CFAP54: variants seen among roughly 807,000 people sequenced by gnomAD.
CFAP54 encodes the protein cilia- and flagella-associated protein 54.
Under a neutral mutation model 370.4 loss-of-function variants are expected in CFAP54, and 290 were observed. That is an observed-to-expected ratio of 0.78 (90% confidence interval 0.71 to 0.86). CFAP54 has a LOEUF of 0.86. CFAP54 is among the 40% of genes least tolerant of loss of function. The pLI is 0.00. For missense variants in CFAP54, 3,399 were observed against 3,528.7 expected, an observed-to-expected ratio of 0.96 and a Z score of 0.93; for synonymous variants, 1,206 against 1,236.5, an observed-to-expected ratio of 0.98 and a Z score of 0.52.
At chr12:96,652,289 A>G (rs1370058546) in intron 36 of CFAP54, among the ~76,000 whole-genome samples, 1 of 152,236 alleles carries the variant, frequency 6.6e-6, no homozygotes, top group Non-Finnish European at 1.5e-5. Flanking sequence ...TATAAATAGA[A>G]TATAACCTAA....
chr12:96,612,660 C>A (rs576987958), intron 26 of CFAP54, among the ~76,000 whole-genome samples: 2 of 152,152 alleles, frequency 1.3e-5, no homozygotes, highest in East Asian at 3.9e-4. Flanking sequence ...CATGCGGAGA[C>A]CACACATAGG....
chr12:96,765,245 C>T (rs767394829), intron 60 of CFAP54, 27 bp downstream of exon 60: 1 of 1,440,508 alleles, frequency 6.9e-7, no homozygotes, highest in South Asian at 1.6e-5. Context: ...ACATATTATG[C>T]AAAAAAACTG....
At chr12:96,640,088 G>T (rs1001876211) in intron 32 of CFAP54, among the ~76,000 whole-genome samples, 1 of 152,092 alleles carries the variant, frequency 6.6e-6, no homozygotes, top group African/African-American at 2.4e-5. Flanking sequence ...GGGCAATCAG[G>T]CAAGAGAAGG....
At chr12:96,703,478 A>C (rs551939123) in intron 46 of CFAP54, among the ~76,000 whole-genome samples, 1 of 152,072 alleles carries the variant, frequency 6.6e-6, no homozygotes, top group Non-Finnish European at 1.5e-5. Flanking sequence ...CTGGTGACCA[A>C]GGGGGATGAG....
chr12:96,865,200 G>C (rs1234823243), intron 67 of CFAP54, among the ~76,000 whole-genome samples: 1 of 152,156 alleles, frequency 6.6e-6, no homozygotes, highest in Non-Finnish European at 1.5e-5. Context: ...TATCCATCAG[G>C]TGGAATGGAT....
intron 12 of CFAP54, 63 bp downstream of exon 12, chr12:96,535,663 G>A: frequency 3.7e-6 from 4 of 1,072,438 alleles, no homozygotes; most frequent in Non-Finnish European, 4.0e-6. Context: ...CCTAACTTAA[G>A]GCCGAATTTA....
intron 50 of CFAP54, among the ~76,000 whole-genome samples, chr12:96,727,772 C>T (rs1247634282): frequency 9.2e-5 from 14 of 151,584 alleles, no homozygotes; most frequent in African/African-American, 1.9e-4. Flanking sequence ...TTCCTAGTCT[C>T]GATGGTCTTT....
At chr12:96,730,009 A>G (rs1170055003) in intron 50 of CFAP54, among the ~76,000 whole-genome samples, 3 of 152,218 alleles carry the variant, frequency 2.0e-5, no homozygotes, top group Non-Finnish European at 4.4e-5. Context: ...ACAGTCGAGT[A>G]GGAGCCCGGT....
intron 40 of CFAP54, among the ~76,000 whole-genome samples, chr12:96,680,834 A>G (rs780857306): frequency 6.6e-6 from 1 of 152,188 alleles, no homozygotes; most frequent in Non-Finnish European, 1.5e-5. Flanking sequence ...CTGTAATCCC[A>G]GCACTTTGGG....
In CFAP54 at chr12:96,564,551, A is replaced by G. The variant is rs1264794126; in HGVS notation, c.2494A>G (p.Thr832Ala). ...LKQSGSTDCF[T>A]ELNIMNKIKK... ...ACAATCTGGAAGCACTGATTGTTTT[A>G]CAGGTAATTAAAATTGGGATAACTG... Residue 832 changes from threonine to alanine, a missense_variant, in exon 18 of 68, where the codon ACA becomes GCA. By Grantham distance (58) the Thr-to-Ala change is moderately conservative (BLOSUM62 0). Coordinates refer to ENST00000524981, the MANE Select transcript of CFAP54 (RefSeq NM_001306084.2). 1 of 690,018 alleles carries G rather than the reference A, an allele frequency of 1.4e-6. No homozygotes were observed. The highest frequency in any genetic ancestry group is 1.8e-5 in the African/African-American group (1 of 56,878). 42.7% of individuals were successfully genotyped at this position (690,018 alleles called of 1,614,324 possible).
intron 40 of CFAP54, 121 bp from the exon 41 acceptor site, chr12:96,684,527 G>T (rs770036441): frequency 2.8e-6 from 2 of 712,382 alleles, no homozygotes; most frequent in Non-Finnish European, 4.8e-6. Flanking sequence ...CTGTTAACTT[G>T]CAGTTTGCTT....
intron 66 of CFAP54, among the ~76,000 whole-genome samples, chr12:96,853,968 A>C (rs1959627448): frequency 6.6e-6 from 1 of 151,970 alleles, no homozygotes; most frequent in African/African-American, 2.4e-5. Context: ...TCGTGAAGAT[A>C]ACCCTAATGT....
intron 3 of CFAP54, 43 bp from the exon 4 acceptor site, chr12:96,506,885 C>A (rs1955107224): frequency 2.0e-6 from 3 of 1,485,506 alleles, no homozygotes; most frequent in Non-Finnish European, 2.7e-6. Flanking sequence ...CTGTTCCTGG[C>A]CAGTTATTTC....
Position 96,739,857 on chromosome 12 carries a change from G to C in CFAP54, c.6966-99G>C, listed in dbSNP as rs569908551. The stretch of plus-strand genomic sequence containing the variant: ...TAACAGTTTTGGGGGTTGTTGGCTG[G>C]GGTGTGAGAATGTTTTTTGGAGAAA... On this transcript the variant is annotated intron_variant, in intron 50 of 67. Transcript: ENST00000524981. 67 of 700,220 alleles carry C rather than the reference G, an allele frequency of 9.6e-5. No individual in the cohort carries two copies. The East Asian group carries it at 1.8e-3, about 19-fold the overall frequency. The allele number at this position is 700,220 out of a possible 1,614,324, so 43.4% of individuals were successfully genotyped here. A position where few individuals can be genotyped will look rare whatever the true frequency, so the allele number is the denominator to read the frequency against.
At chr12:96,706,605 T>A (rs1038933786) in intron 47 of CFAP54, among the ~76,000 whole-genome samples, 2 of 152,048 alleles carry the variant, frequency 1.3e-5, no homozygotes, top group East Asian at 3.9e-4. Context: ...CTGAGCAAAA[T>A]GAAGAGCCAC....
At chr12:96,769,400 A>C (rs769382175) in intron 60 of CFAP54, among the ~76,000 whole-genome samples, 2 of 152,230 alleles carry the variant, frequency 1.3e-5, no homozygotes, top group Non-Finnish European at 2.9e-5. Flanking sequence ...GTCAGTTTCC[A>C]GCCCATGCTG....
intron 60 of CFAP54, among the ~76,000 whole-genome samples, chr12:96,776,768 G>A (rs535822479): frequency 6.6e-6 from 1 of 152,272 alleles, no homozygotes; most frequent in South Asian, 2.1e-4. Flanking sequence ...CTGTCTTGCT[G>A]TTGAATGACA....
intron 60 of CFAP54, among the ~76,000 whole-genome samples, chr12:96,767,140 G>A (rs971281777): frequency 2.6e-5 from 4 of 152,194 alleles, no homozygotes; most frequent in Non-Finnish European, 5.9e-5. Context: ...GTGAGCTAGG[G>A]AAATATACAC....
intron 14 of CFAP54, among the ~76,000 whole-genome samples, chr12:96,544,471 C>A (rs1452996642): frequency 2.2e-5 from 3 of 133,494 alleles, no homozygotes; most frequent in Non-Finnish European, 5.1e-5. Context: ...CTTTCTCCTG[C>A]TCCTTTTTCT....
Sources: allele counts gnomAD v4.1 joint callset (sites outside exome capture counted in the v4.1 genomes callset), GRCh38; gene constraint gnomAD v4.1.1; transcripts MANE v1.5; gene names NCBI Gene and HGNC (gene_info 2026-07-23, HGNC 2026-07-21).